Variants in CNTN5 observed in about 807,000 individuals in gnomAD.
CNTN5 encodes contactin 5, also known as contactin-5.
Under a neutral mutation model 129.1 loss-of-function variants are expected in CNTN5, and 77 were observed. The observed-to-expected ratio is 0.60, with a 90% CI of 0.50 to 0.72. The LOEUF (loss-of-function observed/expected upper bound fraction) is 0.72. Ranked by LOEUF, CNTN5 falls within the 30% of genes least tolerant of loss-of-function variation. The pLI, the probability that CNTN5 is intolerant of heterozygous loss-of-function variation, is 0.00. For missense variants in CNTN5, 1,478 were observed against 1,328.8 expected, an observed-to-expected ratio of 1.11 and a Z score of -1.75; for synonymous variants, 509 against 465.6, an observed-to-expected ratio of 1.09 and a Z score of -1.20.
intron 3 of CNTN5, among the ~76,000 whole-genome samples, chr11:99,763,687 A>G (rs1944660760): frequency 6.6e-6 from 1 of 152,244 alleles, no homozygotes; most frequent in Admixed American, 6.5e-5. Context: ...CATATTGTAT[A>G]TTAATTTAAG....
chr11:100,034,954 C>T (rs1008334959), intron 9 of CNTN5, among the ~76,000 whole-genome samples: 3 of 151,828 alleles, frequency 2.0e-5, no homozygotes, highest in Non-Finnish European at 4.4e-5. Context: ...TACAAAACTT[C>T]TTTCTGTATC....
chr11:99,443,681 A>G (rs1943935722), intron 2 of CNTN5, among the ~76,000 whole-genome samples: 1 of 152,204 alleles, frequency 6.6e-6, no homozygotes, highest in Non-Finnish European at 1.5e-5. Flanking sequence ...AGACAGTGCT[A>G]CCTAGATTAC....
intron 9 of CNTN5, among the ~76,000 whole-genome samples, chr11:100,037,002 T>G (rs1173296836): frequency 6.6e-6 from 1 of 151,786 alleles, no homozygotes; most frequent in Non-Finnish European, 1.5e-5. Context: ...CTTCCAACAC[T>G]ATGTTGAATA....
At chr11:99,907,878 A>T (rs988964370) in intron 6 of CNTN5, among the ~76,000 whole-genome samples, 1 of 152,078 alleles carries the variant, frequency 6.6e-6, no homozygotes, top group Non-Finnish European at 1.5e-5. Flanking sequence ...ATCAAAATAT[A>T]ACATATTTTA....
intron 9 of CNTN5, among the ~76,000 whole-genome samples, chr11:100,034,373 T>C (rs796180788): frequency 5.9e-5 from 9 of 152,366 alleles, no homozygotes; most frequent in African/African-American, 1.4e-4. Flanking sequence ...TTTTTCATCA[T>C]TGATATTCTA....
chr11:100,108,154 C>T lies in CNTN5; in HGVS notation c.1580+33860C>T, dbSNP rs79982404. Among the ~76,000 whole-genome samples the T allele has an allele frequency of 5.4e-3, 815 of 151,938 alleles. 5 individuals carry two copies. The highest frequency in any genetic ancestry group is 9.0e-3 in the Non-Finnish European group (614 of 67,982). ...AAATCCCAGAAGGCCAAGCTGAGAA[C>T]GGCACCTGATCTTATAGAGAGTAGG... On this transcript the variant is annotated intron_variant, in intron 13 of 24. Transcript: ENST00000524871.
At chr11:100,004,862 G>T (rs2137490920) in intron 9 of CNTN5, among the ~76,000 whole-genome samples, 1 of 152,192 alleles carries the variant, frequency 6.6e-6, no homozygotes, top group Admixed American at 6.6e-5. Context: ...CTGAAGAAAG[G>T]ATTAGGAAAT....
chr11:99,705,336 T>C (rs549333323), intron 3 of CNTN5, among the ~76,000 whole-genome samples: 4 of 151,458 alleles, frequency 2.6e-5, no homozygotes, highest in African/African-American at 9.6e-5. Flanking sequence ...ATTTCTCAAA[T>C]TTTACTCATA....
At chr11:99,643,362 A>T (rs606803) in intron 3 of CNTN5, among the ~76,000 whole-genome samples, 91,334 of 151,918 alleles carry the variant, frequency 0.6, 28,288 homozygotes, top group Admixed American at 0.69. Flanking sequence ...TGTGATTAAG[A>T]GAATGGATAT....
chr11:100,214,935 C>T (rs546144866), intron 15 of CNTN5, among the ~76,000 whole-genome samples: 20 of 152,288 alleles, frequency 1.3e-4, no homozygotes, highest in African/African-American at 4.8e-4. Flanking sequence ...CTGGGGTAGC[C>T]AAATGGCTGG....
chr11:99,738,717 A>G (rs2135145052), intron 3 of CNTN5, among the ~76,000 whole-genome samples: 1 of 151,986 alleles, frequency 6.6e-6, no homozygotes, highest in African/African-American at 2.4e-5. Context: ...ATGAAGCTGA[A>G]GAGGTATTCA....
chr11:100,022,209 T>C (rs1181493755), intron 9 of CNTN5, among the ~76,000 whole-genome samples: 1 of 152,220 alleles, frequency 6.6e-6, no homozygotes, highest in Non-Finnish European at 1.5e-5. Context: ...ATTTGCAAGG[T>C]GTATTATTTA....
At chr11:100,142,585 C>T (rs1337096237) in intron 13 of CNTN5, among the ~76,000 whole-genome samples, 2 of 152,148 alleles carry the variant, frequency 1.3e-5, no homozygotes, top group African/African-American at 4.8e-5. Context: ...TGTCTCCAAG[C>T]GGTTACTGTA....
At chr11:99,906,320 A>C (rs1292955017) in intron 6 of CNTN5, among the ~76,000 whole-genome samples, 1 of 152,046 alleles carries the variant, frequency 6.6e-6, no homozygotes, top group Non-Finnish European at 1.5e-5. Context: ...ATCAGTACCT[A>C]GCTTATTGAG....
chr11:99,095,283 C>T (rs1866423049), intron 1 of CNTN5, among the ~76,000 whole-genome samples: 1 of 151,762 alleles, frequency 6.6e-6, no homozygotes, highest in Non-Finnish European at 1.5e-5. Flanking sequence ...GTAGGATCAT[C>T]CACTATTACC....
chr11:99,932,086 C>T (rs988958961), intron 7 of CNTN5, among the ~76,000 whole-genome samples: 6 of 152,192 alleles, frequency 3.9e-5, no homozygotes, highest in African/African-American at 1.4e-4. Flanking sequence ...TTATCTTACT[C>T]ACTGTATTCA....
intron 2 of CNTN5, among the ~76,000 whole-genome samples, chr11:99,367,789 T>C (rs1939546481): frequency 6.6e-6 from 1 of 151,954 alleles, no homozygotes; most frequent in Non-Finnish European, 1.5e-5. Flanking sequence ...AAAGAAGAAA[T>C]TGAATGAATT....
At chr11:99,732,890 T>C (rs1943580585) in intron 3 of CNTN5, among the ~76,000 whole-genome samples, 1 of 152,132 alleles carries the variant, frequency 6.6e-6, no homozygotes, top group South Asian at 2.1e-4. Context: ...AAAACATGCA[T>C]GTATTAGATG....
At chr11:99,190,965 T>C (rs1169366936) in intron 1 of CNTN5, among the ~76,000 whole-genome samples, 1 of 151,736 alleles carries the variant, frequency 6.6e-6, no homozygotes, top group Non-Finnish European at 1.5e-5. Context: ...TTCAGAAGGA[T>C]GTTAGCTGTG....
Sources: allele counts gnomAD v4.1 joint callset (sites outside exome capture counted in the v4.1 genomes callset), GRCh38; gene constraint gnomAD v4.1.1; transcripts MANE v1.5; gene names NCBI Gene and HGNC (gene_info 2026-07-23, HGNC 2026-07-21).